Variants in CRYBG3 observed in about 807,000 individuals in gnomAD.
CRYBG3 encodes crystallin beta-gamma domain containing 3.
CRYBG3 carries 127 observed loss-of-function variants against 244.2 expected under a neutral mutation model. The observed-to-expected ratio is 0.52, with a 90% CI of 0.45 to 0.60. The LOEUF is 0.60. Ranked by LOEUF, CRYBG3 falls within the 20% of genes least tolerant of loss-of-function variation. The pLI is 0.00. For missense variants in CRYBG3, 3,325 were observed against 3,442.5 expected, an observed-to-expected ratio of 0.97 and a Z score of 0.85; for synonymous variants, 1,132 against 1,195.8, an observed-to-expected ratio of 0.95 and a Z score of 1.10.
In CRYBG3 at chr3:97,872,267, G is replaced by A. The variant is rs761832048; in HGVS notation, c.1073G>A (p.Gly358Glu). ...TCTGTGACTAACTCCAGCTACGATG[G>A]AGAATCTGACTCACAGCACCATTTA... ...PSSVTNSSYD[G>E]ESDSQHHLSC... The change falls in exon 4 of 22, where the codon GGA (glycine) becomes GAA (glutamate). Residue 358 changes from glycine (G) to glutamate (E), a missense_variant. Physicochemically the swap from Gly to Glu is moderately conservative, Grantham distance 98. This residue lies in a region of CRYBG3 where 1,526 missense variants were observed against 1,443.2 expected (regional missense o/e 1.06). Transcript: ENST00000389622. The A allele has an allele frequency of 2.3e-4, 352 of 1,535,828 alleles. No homozygotes were observed. Among genetic ancestry groups the A allele is most frequent in the Non-Finnish European group, 2.9e-4 (335 of 1,146,814 alleles).
At chr3:97,830,644 CTA>C (rs10555673) in intron 1 of CRYBG3, among the ~76,000 whole-genome samples, 76 of 152,246 alleles carry the variant, frequency 5.0e-4, no homozygotes, top group African/African-American at 1.7e-3. Context: ...AGACATTTCT[CTA>C]TTAGTCTTCT....
chr3:97,841,998 G>A (rs1209798697), intron 1 of CRYBG3, among the ~76,000 whole-genome samples: 1 of 152,118 alleles, frequency 6.6e-6, no homozygotes, highest in African/African-American at 2.4e-5. Context: ...GGCAGAATTG[G>A]TTGCTCCTTA....
intron 3 of CRYBG3, 43 bp downstream of exon 3, chr3:97,864,690 T>G (rs1203492417): frequency 1.5e-6 from 2 of 1,370,696 alleles, no homozygotes; most frequent in African/African-American, 2.9e-5. Context: ...TTGAGCTTTT[T>G]GGACCTAGCT....
chr3:97,944,222 C>CTAAA lies in CRYBG3; in HGVS notation c.*912_*915dup, dbSNP rs2040298954. On this transcript the variant is annotated 3_prime_UTR_variant, in exon 22 of 22. Transcript: ENST00000389622. ...AGTAAACGTGGAGTTGATTTCTCTA[C>CTAAA]TAAATAACAGAAACCTCAGTTTTTC... 1 of 151,468 alleles carries CTAAA rather than the reference C, an allele frequency of 6.6e-6. No individual in the cohort carries two copies. Among genetic ancestry groups the CTAAA allele is most frequent in the African/African-American group, 2.4e-5 (1 of 41,216 alleles). The allele number at this position is 151,468 out of a possible 1,614,324, so 9.4% of individuals were successfully genotyped here. A position where few individuals can be genotyped will look rare whatever the true frequency, so the allele number is the denominator to read the frequency against.
intron 12 of CRYBG3, among the ~76,000 whole-genome samples, chr3:97,896,980 A>AT (rs200384318): frequency 0.014 from 2,058 of 148,926 alleles, 44 homozygotes; most frequent in African/African-American, 0.048. Context: ...AGTTATTTTT[A>AT]TTTTTTTTTT....
intron 2 of CRYBG3, 26 bp from the exon 3 acceptor site, chr3:97,864,191 T>C (rs755961397): frequency 1.3e-4 from 193 of 1,445,988 alleles, no homozygotes; most frequent in Non-Finnish European, 1.7e-4. Context: ...TAATGATGCT[T>C]ATGATTGTCT....
At chr3:97,864,950 G>T (rs1474245693) in intron 3 of CRYBG3, among the ~76,000 whole-genome samples, 1 of 152,060 alleles carries the variant, frequency 6.6e-6, no homozygotes, top group Admixed American at 6.6e-5. Flanking sequence ...TATTCAATAT[G>T]TGCATTTTCG....
In CRYBG3 at chr3:97,899,035, C is replaced by T. The variant is rs994308354; in HGVS notation, c.7844+10C>T. 7.5e-6 allele frequency: 12 copies of T among 1,608,080 alleles called. No homozygotes were observed. Among genetic ancestry groups the T allele is most frequent in the Admixed American group, 1.7e-5 (1 of 59,134 alleles). ...ATGTTAAAAGTGGAGTGTAAGTTGC[C>T]TCCTCTAAGAACCTTGAGAGTCTTT... On this transcript the variant is annotated intron_variant, in intron 13 of 21. Transcript: ENST00000389622.
intron 7 of CRYBG3, among the ~76,000 whole-genome samples, chr3:97,885,512 A>G (rs1238546698): frequency 6.6e-6 from 1 of 152,182 alleles, no homozygotes; most frequent in Non-Finnish European, 1.5e-5. Flanking sequence ...TAAGACAGAA[A>G]TGTACCTGTA....
At chr3:97,903,441 A>G (rs959724097) in intron 15 of CRYBG3, among the ~76,000 whole-genome samples, 6 of 152,212 alleles carry the variant, frequency 3.9e-5, no homozygotes, top group Non-Finnish European at 8.8e-5. Context: ...AGAATATATA[A>G]CCAATATGAG....
intron 2 of CRYBG3, among the ~76,000 whole-genome samples, chr3:97,853,308 C>T (rs2039015385): frequency 6.6e-6 from 1 of 152,008 alleles, no homozygotes. Flanking sequence ...TGGTCTCCAA[C>T]TCCATCCAAA....
chr3:97,881,045 C>T (rs369356243), intron 6 of CRYBG3, 27 bp from the exon 7 acceptor site: 2 of 1,532,854 alleles, frequency 1.3e-6, no homozygotes, highest in Non-Finnish European at 1.8e-6. Context: ...TTAAATATAA[C>T]TCATCATTGC....
intron 1 of CRYBG3, among the ~76,000 whole-genome samples, chr3:97,834,020 T>C (rs997234793): frequency 6.6e-6 from 1 of 151,940 alleles, no homozygotes. Context: ...GAAAAATCAC[T>C]CACCACCACT....
intron 4 of CRYBG3, 47 bp downstream of exon 4, chr3:97,878,084 G>A: frequency 6.8e-7 from 1 of 1,479,680 alleles, no homozygotes; most frequent in Middle Eastern, 1.8e-4. Flanking sequence ...TAAAGCTTTG[G>A]GTCACGAAAT....
intron 2 of CRYBG3, 49 bp downstream of exon 2, chr3:97,843,310 T>C (rs958857078): frequency 1.2e-6 from 1 of 855,108 alleles, no homozygotes; most frequent in Admixed American, 2.7e-5. Context: ...TATCTTAAAT[T>C]GCTGTTAATT....
intron 17 of CRYBG3, among the ~76,000 whole-genome samples, chr3:97,922,839 T>C (rs909688582): frequency 6.6e-6 from 1 of 152,126 alleles, no homozygotes; most frequent in Admixed American, 6.5e-5. Context: ...CATTACTGGG[T>C]ATATACCCAA....
intron 15 of CRYBG3, among the ~76,000 whole-genome samples, chr3:97,902,955 G>A (rs1281180014): frequency 6.6e-6 from 1 of 152,118 alleles, no homozygotes; most frequent in Non-Finnish European, 1.5e-5. Context: ...TCTTATAACA[G>A]TGAATTTAGT....
chr3:97,905,178 A>G (rs1247097104), intron 15 of CRYBG3, among the ~76,000 whole-genome samples: 1 of 151,872 alleles, frequency 6.6e-6, no homozygotes, highest in Non-Finnish European at 1.5e-5. Context: ...AGTCTTTGCT[A>G]TTGTGAATAA....
At chr3:97,832,649 A>G (rs2108156859) in intron 1 of CRYBG3, among the ~76,000 whole-genome samples, 1 of 152,334 alleles carries the variant, frequency 6.6e-6, no homozygotes, top group South Asian at 2.1e-4. Context: ...CATTCAGGAC[A>G]TAGACATGGA....
Sources: gnomAD v4.1 joint callset for allele counts (sites outside exome capture counted in the v4.1 genomes callset) on GRCh38, gnomAD v4.1.1 for gene constraint, gnomAD v4.1.1 regional missense constraint, MANE v1.5 for transcripts, NCBI Gene and HGNC (gene_info 2026-07-23, HGNC 2026-07-21) for gene names.